The following CALN1 variants were observed in gnomAD, a reference collection of about 807,000 sequenced individuals.
CALN1 encodes calneuron 1, also known as calcium-binding protein 8.
Under a neutral mutation model 30.6 loss-of-function variants are expected in CALN1, and 17 were observed. That is an observed-to-expected ratio of 0.56 (90% CI 0.38 to 0.83). The LOEUF (loss-of-function observed/expected upper bound fraction) is 0.83, where lower values mean the gene tolerates loss of function less well. CALN1 is among the 40% of genes least tolerant of loss of function. The pLI is 0.00. For missense variants in CALN1, 291 were observed against 354.9 expected, an observed-to-expected ratio of 0.82 and a Z score of 1.45; for synonymous variants, 156 against 131.4, an observed-to-expected ratio of 1.19 and a Z score of -1.28.
intron 2 of CALN1, among the ~76,000 whole-genome samples, chr7:72,370,632 G>C (rs1038902291): frequency 4.0e-5 from 6 of 151,604 alleles, no homozygotes; most frequent in African/African-American, 1.5e-4. Context: ...ACTCCAGCTT[G>C]GGTGACAGAG....
rs139953279 is a variant in CALN1 at position 72,063,966 on chromosome 7, T to C, written c.389-40197A>G. Among the ~76,000 whole-genome samples the C allele has an allele frequency of 9.2e-5, 14 of 152,264 alleles. No individual in the cohort carries two copies. The East Asian group carries it at 2.7e-3, about 29-fold the overall frequency. ...GAATTGGACATATGCCTTCTTGTAA[T>C]AGCAAATTTAAAAACTTCTTTTTCT... On this transcript the variant is annotated intron_variant, in intron 4 of 6. Coordinates refer to ENST00000395275, the MANE Select transcript of CALN1 (RefSeq NM_031468.4).
chr7:72,497,263 A>G, the CALN1 span, among the ~76,000 whole-genome samples: 2 of 152,150 alleles, frequency 1.3e-5, no homozygotes, highest in Admixed American at 1.3e-4. Flanking sequence ...AATATGGTGA[A>G]ACCTCGTCTC....
At chr7:71,840,688 T>A (rs925171083) in intron 5 of CALN1, among the ~76,000 whole-genome samples, 1 of 151,978 alleles carries the variant, frequency 6.6e-6, no homozygotes, top group African/African-American at 2.4e-5. Flanking sequence ...AGTTTCCTTA[T>A]ATATAAAATG....
At chr7:72,135,115 C>CAATAA (rs1429642343) in intron 3 of CALN1, among the ~76,000 whole-genome samples, 3 of 152,186 alleles carry the variant, frequency 2.0e-5, no homozygotes, top group African/African-American at 7.2e-5. Flanking sequence ...CCTTCTCTTG[C>CAATAA]TATTTCCACC....
At chr7:71,857,919 A>G (rs777221584) in intron 5 of CALN1, among the ~76,000 whole-genome samples, 3 of 152,156 alleles carry the variant, frequency 2.0e-5, no homozygotes, top group Admixed American at 6.5e-5. Context: ...CTATATTTCT[A>G]TTATCAAGGA....
chr7:72,258,585 G>A (rs1796075117), intron 3 of CALN1, among the ~76,000 whole-genome samples: 2 of 152,136 alleles, frequency 1.3e-5, no homozygotes. Flanking sequence ...GAATACTATG[G>A]GAAACTAGGG....
At chr7:72,033,213 A>T (rs1007021770) in intron 4 of CALN1, among the ~76,000 whole-genome samples, 5 of 152,224 alleles carry the variant, frequency 3.3e-5, no homozygotes, top group African/African-American at 1.2e-4. Flanking sequence ...AAGCTGCAGG[A>T]GTGCCAGGAC....
intron 2 of CALN1, among the ~76,000 whole-genome samples, chr7:72,291,596 T>C (rs1798481152): frequency 6.6e-6 from 1 of 152,332 alleles, no homozygotes; most frequent in South Asian, 2.1e-4. Flanking sequence ...CTTTCTCTTT[T>C]GTAGCCATTG....
intron 6 of CALN1, among the ~76,000 whole-genome samples, chr7:71,794,530 C>T (rs1786776647): frequency 6.6e-6 from 1 of 152,194 alleles, no homozygotes; most frequent in South Asian, 2.1e-4. Flanking sequence ...GAAGGAACTT[C>T]TGCGAGCGTC....
At chr7:72,260,097 T>C (rs1218533705) in intron 3 of CALN1, among the ~76,000 whole-genome samples, 2 of 152,160 alleles carry the variant, frequency 1.3e-5, no homozygotes, top group East Asian at 3.9e-4. Flanking sequence ...CTGAGTGTGA[T>C]GGCACACACC....
intron 5 of CALN1, among the ~76,000 whole-genome samples, chr7:71,956,995 G>T (rs1241011848): frequency 6.6e-6 from 1 of 152,104 alleles, no homozygotes; most frequent in African/African-American, 2.4e-5. Context: ...ACCACACCCA[G>T]CCCTATACTT....
rs145646224 is a variant in CALN1, at chr7:72,257,374, C to G, written c.244+21312G>C. Among the ~76,000 whole-genome samples, 492 of 152,206 alleles carry G rather than the reference C, an allele frequency of 3.2e-3. 3 individuals carry two copies. The highest frequency in any genetic ancestry group is 5.8e-3 in the Non-Finnish European group (395 of 68,018). ...CACTGAGATGTGTGACTGTTTAAAACTTGCCCAAGGGAAATGAAAATTAAA... is the reference window on the plus strand; with the variant it reads ...CACTGAGATGTGTGACTGTTTAAAAGTTGCCCAAGGGAAATGAAAATTAAA... On this transcript the variant is annotated intron_variant, in intron 3 of 6. Coordinates refer to ENST00000395275, the MANE Select transcript of CALN1 (RefSeq NM_031468.4).
chr7:72,065,495 A>T (rs1429586829), intron 4 of CALN1, among the ~76,000 whole-genome samples: 2 of 152,108 alleles, frequency 1.3e-5, no homozygotes, highest in Non-Finnish European at 2.9e-5. Flanking sequence ...AAACTGCTTA[A>T]AGACAACTAC....
chr7:71,876,877 G>A (rs879201990), intron 5 of CALN1, among the ~76,000 whole-genome samples: 22 of 152,128 alleles, frequency 1.4e-4, no homozygotes, highest in East Asian at 5.8e-4. Flanking sequence ...TTTATCTGTC[G>A]TTTGGTTTAG....
At chr7:72,168,374 A>G (rs1788680186) in intron 3 of CALN1, among the ~76,000 whole-genome samples, 2 of 152,332 alleles carry the variant, frequency 1.3e-5, no homozygotes, top group South Asian at 4.1e-4. Flanking sequence ...AATTTTTTAA[A>G]AAGTTATTCA....
chr7:71,851,479 A>T (rs1584370513), intron 5 of CALN1, among the ~76,000 whole-genome samples: 1 of 152,068 alleles, frequency 6.6e-6, no homozygotes, highest in East Asian at 1.9e-4. Context: ...TGATCATGTC[A>T]CTGCACTCCA....
intron 3 of CALN1, among the ~76,000 whole-genome samples, chr7:72,277,009 T>C (rs1797377304): frequency 6.6e-6 from 1 of 152,166 alleles, no homozygotes; most frequent in African/African-American, 2.4e-5. Flanking sequence ...ACCTTGATCT[T>C]AGACTTCCAA....
intron 2 of CALN1, among the ~76,000 whole-genome samples, chr7:72,319,128 A>C (rs886506419): frequency 6.6e-6 from 1 of 152,216 alleles, no homozygotes; most frequent in Non-Finnish European, 1.5e-5. Flanking sequence ...ATAAAGAATC[A>C]ACTTAAGTGT....
At chr7:72,342,086 T>C (rs1041614636) in intron 2 of CALN1, among the ~76,000 whole-genome samples, 1 of 151,776 alleles carries the variant, frequency 6.6e-6, no homozygotes, top group African/African-American at 2.4e-5. Flanking sequence ...GGAGACCCCA[T>C]CTCTACAAAA....
Sources: gnomAD v4.1 joint callset for allele counts (sites outside exome capture counted in the v4.1 genomes callset) on GRCh38, gnomAD v4.1.1 for gene constraint, MANE v1.5 for transcripts, NCBI Gene and HGNC (gene_info 2026-07-23, HGNC 2026-07-21) for gene names.